RAD51B: variants seen among roughly 807,000 people sequenced by gnomAD.
The protein encoded by RAD51B is RAD51 paralog B.
RAD51B carries 38 observed loss-of-function variants against 42.2 expected under a neutral mutation model. The ratio of observed to expected loss-of-function variants is 0.90; its 90% CI spans 0.70 to 1.18. The LOEUF is 1.18. Among genes scored for constraint, RAD51B ranks in the 50% most tolerant of loss-of-function variants. The pLI is 0.00. For synonymous variants in RAD51B, 154 were observed against 145.2 expected (o/e 1.06, Z -0.43); for missense variants, 373 against 400.7 (o/e 0.93, Z 0.59).
intron 7 of RAD51B, among the ~76,000 whole-genome samples, chr14:68,071,174 CTG>C (rs1440201460): frequency 1.3e-5 from 2 of 152,054 alleles, no homozygotes; most frequent in Non-Finnish European, 2.9e-5. Flanking sequence ...TGGGCAGAGA[CTG>C]GAGTTTCCCA....
intron 11 of RAD51B, among the ~76,000 whole-genome samples, chr14:68,660,648 C>T (rs111268264): frequency 1.3e-5 from 2 of 152,304 alleles, no homozygotes; most frequent in African/African-American, 4.8e-5. Context: ...GATCTGTCTC[C>T]TGTTCTGTAA....
intron 10 of RAD51B, among the ~76,000 whole-genome samples, chr14:68,632,765 C>T (rs906805218): frequency 1.2e-4 from 18 of 152,002 alleles, no homozygotes; most frequent in Admixed American, 1.1e-3. Flanking sequence ...CCCTACTCAG[C>T]GCAATGACCA....
At chr14:68,422,710 A>T (rs562708896) in intron 9 of RAD51B, among the ~76,000 whole-genome samples, 51 of 152,280 alleles carry the variant, frequency 3.3e-4, no homozygotes, top group African/African-American at 1.0e-3. Flanking sequence ...ACATTTTATG[A>T]TATGCTACAC....
intron 7 of RAD51B, among the ~76,000 whole-genome samples, chr14:68,159,120 G>A (rs1483764085): frequency 6.6e-6 from 1 of 152,040 alleles, no homozygotes; most frequent in Non-Finnish European, 1.5e-5. Flanking sequence ...AGCCCTTTAT[G>A]AGAATAGGGG....
chr14:67,985,491 A>G (rs974245913), intron 7 of RAD51B, among the ~76,000 whole-genome samples: 1 of 152,166 alleles, frequency 6.6e-6, no homozygotes, highest in African/African-American at 2.4e-5. Context: ...TGACCTTTAT[A>G]GCAGTTTTTT....
intron 10 of RAD51B, among the ~76,000 whole-genome samples, chr14:68,472,916 T>G (rs2140243889): frequency 6.6e-6 from 1 of 152,360 alleles, no homozygotes; most frequent in South Asian, 2.1e-4. Context: ...TTTGATCACC[T>G]TTTGAAATGT....
intron 7 of RAD51B, among the ~76,000 whole-genome samples, chr14:68,124,153 G>T (rs2077708735): frequency 6.6e-6 from 1 of 152,150 alleles, no homozygotes. Context: ...CACATATGAA[G>T]ATTGGAGCTA....
rs186756032 is a variant in RAD51B at position 67,874,626 on chromosome 14, G to C, written c.452+9487G>C. Among the ~76,000 whole-genome samples the C allele has an allele frequency of 7.2e-5, 11 of 152,192 alleles. No homozygotes were observed. In the East Asian group the frequency reaches 1.7e-3, roughly 24 times the overall value. On this transcript the variant is annotated intron_variant, in intron 5 of 10. Transcript: ENST00000471583. ...GGAATGCTATTCAGGCAAAGATCTA[G>C]ATCCTCTTCTGATTGATCCAGAGAA...
At chr14:68,151,462 G>T (rs886987116) in intron 7 of RAD51B, among the ~76,000 whole-genome samples, 2 of 151,698 alleles carry the variant, frequency 1.3e-5, no homozygotes, top group African/African-American at 4.8e-5. Flanking sequence ...CATCAAATTT[G>T]GAAAAATCTT....
chr14:68,004,444 T>G (rs973491151), intron 7 of RAD51B, among the ~76,000 whole-genome samples: 1 of 152,060 alleles, frequency 6.6e-6, no homozygotes, highest in Non-Finnish European at 1.5e-5. Flanking sequence ...TTCTAGATTA[T>G]AGAAGAAGCT....
At chr14:68,614,044 A>G (rs748153469), downstream of RAD51B, among the ~76,000 whole-genome samples, 2 of 152,196 alleles carry the variant, frequency 1.3e-5, no homozygotes, top group African/African-American at 2.4e-5. Flanking sequence ...AATTCAGCCT[A>G]TGAGTGCAAG....
At chr14:67,872,937 T>C (rs1194163760) in intron 5 of RAD51B, among the ~76,000 whole-genome samples, 1 of 152,080 alleles carries the variant, frequency 6.6e-6, no homozygotes, top group African/African-American at 2.4e-5. Context: ...CAAAAATCAA[T>C]TCAAGATGGA....
At chr14:68,295,437 A>G (rs553680947) in intron 8 of RAD51B, among the ~76,000 whole-genome samples, 1 of 152,344 alleles carries the variant, frequency 6.6e-6, no homozygotes, top group Non-Finnish European at 1.5e-5. Context: ...CCGAGATTAA[A>G]GGAGCGTGAG....
intron 11 of RAD51B, among the ~76,000 whole-genome samples, chr14:68,655,143 G>A (rs1892785474): frequency 6.6e-6 from 1 of 152,064 alleles, no homozygotes; most frequent in Non-Finnish European, 1.5e-5. Flanking sequence ...GTGTGTGTGT[G>A]TGTGTGTGTA....
Position 68,049,221 on chromosome 14 carries a change from C to T in RAD51B, c.756+162017C>T, listed in dbSNP as rs145673944. On this transcript the variant is annotated intron_variant, in intron 7 of 10. Transcript: ENST00000471583. Reference sequence around the variant, plus strand: ...GGGGCCTGTTGTGGGGTGGGGGGAGCGGGGAGGGATAGCATTAAGAGATAT... The same window carrying T: ...GGGGCCTGTTGTGGGGTGGGGGGAGTGGGGAGGGATAGCATTAAGAGATAT... 3.6e-3 allele frequency among the ~76,000 whole-genome samples: 529 copies of T among 148,506 alleles called. 4 individuals are homozygous for T. Among genetic ancestry groups the T allele is most frequent in the African/African-American group, 0.012 (504 of 40,428 alleles).
Position 68,283,596 on chromosome 14 carries a change from T to G in RAD51B, c.757-8288T>G, listed in dbSNP as rs115204132. Among the ~76,000 whole-genome samples the G allele has an allele frequency of 6.3e-3, 953 of 152,338 alleles. 6 individuals carry two copies. Among genetic ancestry groups the G allele is most frequent in the Middle Eastern group, 0.024 (7 of 294 alleles). ...TTTCCTGCAGTGGGCCCAAGATCAC[T>G]GACAGGATGCCGTCGGGGTTGGGCT... On this transcript the variant is annotated intron_variant, in intron 7 of 10. Transcript: ENST00000471583.
intron 10 of RAD51B, among the ~76,000 whole-genome samples, chr14:68,528,989 A>G (rs1887106615): frequency 6.6e-6 from 1 of 152,184 alleles, no homozygotes; most frequent in Admixed American, 6.5e-5. Flanking sequence ...TCACAACCCT[A>G]TTCTGTTTCA....
At chr14:68,293,627 C>T (rs908136970) in intron 8 of RAD51B, among the ~76,000 whole-genome samples, 1 of 152,180 alleles carries the variant, frequency 6.6e-6, no homozygotes, top group Non-Finnish European at 1.5e-5. Flanking sequence ...GTGCTTCCCC[C>T]TTTCACTTCT....
At chr14:68,285,219 G>C (rs1438282448) in intron 7 of RAD51B, among the ~76,000 whole-genome samples, 1 of 152,150 alleles carries the variant, frequency 6.6e-6, no homozygotes, top group Non-Finnish European at 1.5e-5. Flanking sequence ...TTAAAAGCAA[G>C]GCATTCAGTA....
Sources: allele counts gnomAD v4.1 joint callset (sites outside exome capture counted in the v4.1 genomes callset), GRCh38; gene constraint gnomAD v4.1.1; transcripts MANE v1.5; gene names NCBI Gene and HGNC (gene_info 2026-07-23, HGNC 2026-07-21).